USP40: variants seen among roughly 807,000 people sequenced by gnomAD.
The protein encoded by USP40 is ubiquitin carboxyl-terminal hydrolase 40.
USP40 carries 143 observed loss-of-function variants against 166.2 expected under a neutral mutation model. The observed-to-expected ratio is 0.86, with a 90% CI of 0.75 to 0.99. The LOEUF is 0.99. USP40 is among the 50% of genes least tolerant of loss of function. The probability of loss-of-function intolerance (pLI) is 0.00; values close to 1 mark genes in which losing one functional copy is unlikely to be tolerated. For missense variants in USP40, 1,444 were observed against 1,479.7 expected, an observed-to-expected ratio of 0.98 and a Z score of 0.40; for synonymous variants, 498 against 524.0, an observed-to-expected ratio of 0.95 and a Z score of 0.68.
intron 15 of USP40, among the ~76,000 whole-genome samples, chr2:233,524,109 A>G (rs573056937): frequency 6.9e-4 from 105 of 152,218 alleles, no homozygotes; most frequent in African/African-American, 2.5e-3. Flanking sequence ...TTGCCCTCAC[A>G]TAGGCTGAAT....
intron 3 of USP40, chr2:233,560,946 T>A: frequency 2.9e-6 from 2 of 697,140 alleles, no homozygotes; most frequent in Admixed American, 4.7e-5. Context: ...TACATGTTTA[T>A]AAAGCAGTAG....
At chr2:233,565,976 G>A (rs1426701911) in intron 1 of USP40, among the ~76,000 whole-genome samples, 1 of 152,108 alleles carries the variant, frequency 6.6e-6, no homozygotes, top group African/African-American at 2.4e-5. Context: ...CTAATCCACT[G>A]CTGGGACGGC....
At chr2:233,481,409 T>C in intron 30 of USP40, 112 bp from the exon 31 acceptor site, 5 of 910,930 alleles carry the variant, frequency 5.5e-6, no homozygotes, top group Non-Finnish European at 8.3e-6. Context: ...GATTCAAATT[T>C]ACATAAACTA....
At chr2:233,565,066 A>C (rs2072012794) in intron 2 of USP40, among the ~76,000 whole-genome samples, 2 of 152,252 alleles carry the variant, frequency 1.3e-5, no homozygotes, top group South Asian at 4.1e-4. Flanking sequence ...GAAGACTGAT[A>C]CTTATGACAA....
intron 31 of USP40, among the ~76,000 whole-genome samples, chr2:233,478,689 G>A (rs1185615570): frequency 6.6e-6 from 1 of 152,182 alleles, no homozygotes; most frequent in East Asian, 1.9e-4. Context: ...AGTGTGTGAG[G>A]TGGGCATAAG....
chr2:233,562,956 T>C (rs983581247), intron 2 of USP40, among the ~76,000 whole-genome samples, 153 bp from the exon 3 acceptor site: 4 of 152,250 alleles, frequency 2.6e-5, no homozygotes, highest in African/African-American at 9.6e-5. Flanking sequence ...CTTTACTTTC[T>C]TGTAACATTT....
intron 21 of USP40, among the ~76,000 whole-genome samples, chr2:233,504,677 T>G (rs569959925): frequency 6.6e-6 from 1 of 152,114 alleles, no homozygotes; most frequent in Non-Finnish European, 1.5e-5. Flanking sequence ...TAAATATATA[T>G]GCAAACACCA....
intron 17 of USP40, 62 bp from the exon 18 acceptor site, chr2:233,519,733 A>C (rs1559247654): frequency 8.5e-6 from 8 of 940,598 alleles, no homozygotes; most frequent in Non-Finnish European, 1.3e-5. Flanking sequence ...GAAAATGAGG[A>C]TTGTCACTGT....
chr2:233,539,697 TA>T (rs560091138), intron 10 of USP40, among the ~76,000 whole-genome samples: 3 of 147,710 alleles, frequency 2.0e-5, no homozygotes, highest in South Asian at 2.1e-4. Context: ...TTAGAAGGTT[TA>T]AAAAAAAAAC....
rs2065877059 is a variant in USP40, at chr2:233,498,545, T to G, written c.2715+3A>C. 1.9e-6 allele frequency: 3 copies of G among 1,611,740 alleles called. No individual in the cohort carries two copies. The South Asian group carries it at 3.3e-5, about 18-fold the overall frequency. On this transcript the variant is annotated splice_donor_region_variant and intron_variant, in intron 23 of 31. Coordinates refer to ENST00000678225, the MANE Select transcript of USP40 (RefSeq NM_001365479.2). ...AAAGTACAATGTATAGAAATCATCT[T>G]ACTTCTTCACATAAAGGCTCTCCAG...
chr2:233,536,882 T>C (rs1047545738), intron 10 of USP40, among the ~76,000 whole-genome samples: 5 of 151,946 alleles, frequency 3.3e-5, no homozygotes, highest in African/African-American at 7.3e-5. Context: ...TTAGGTTTTT[T>C]TGTTTCCTTT....
Position 233,517,799 on chromosome 2 carries a change from TG to T in USP40, c.2383+1814del, listed in dbSNP as rs1328170206. On this transcript the variant is annotated intron_variant, in intron 18 of 31. Transcript: ENST00000678225. ...AAACTGTGGTGTGTGTGTGTGTGTG[TG>T]TGTGTGTGTGTGTGTGTGTGTGTGT... Among the ~76,000 whole-genome samples the T allele has an allele frequency of 2.6e-5, 4 of 151,438 alleles. No homozygotes were observed. The South Asian group carries it at 6.3e-4, about 24-fold the overall frequency.
At chr2:233,478,337 C>T (rs532147067) in intron 31 of USP40, among the ~76,000 whole-genome samples, 6 of 152,332 alleles carry the variant, frequency 3.9e-5, no homozygotes, top group Non-Finnish European at 8.8e-5. Context: ...GTCCTCAACA[C>T]ACGAGTCTTT....
chr2:233,554,306 GACTTTTTCA>G, intron 6 of USP40, 65 bp downstream of exon 6: 4 of 1,418,814 alleles, frequency 2.8e-6, no homozygotes, highest in Non-Finnish European at 3.7e-6. Context: ...ATATCCTCGA[GACTTTTTCA>G]TACAAGTTGA....
rs752818948 is a variant in USP40, at chr2:233,533,664, A to G, written c.1286T>C (p.Ile429Thr). 3.1e-6 allele frequency: 5 copies of G among 1,613,686 alleles called. No homozygotes were observed. The East Asian group carries it at 1.1e-4, about 36-fold the overall frequency. ...GGATTCTGGAGGAAGCATCTTGAAA[A>G]TTTGCTGGTCATTCCTTTGGAAATC... ...ESDFQRNDQQ[I>T]FKMLPPESPG... is the part of the protein sequence containing the mutation. The change falls in exon 11 of 32, where the codon ATT becomes ACT. Residue 429 changes from isoleucine (I) to threonine (T), a missense_variant. Physicochemically the swap from Ile to Thr is moderately conservative, Grantham distance 89. Transcript: ENST00000678225.
chr2:233,523,848 C>G (rs148415910), intron 15 of USP40, among the ~76,000 whole-genome samples: 1 of 152,112 alleles, frequency 6.6e-6, no homozygotes, highest in Non-Finnish European at 1.5e-5. Context: ...CACTCCCCAA[C>G]TCAGTATAGA....
chr2:233,498,519 G>T (rs534890996), intron 23 of USP40, 29 bp downstream of exon 23: 2 of 1,590,562 alleles, frequency 1.3e-6, no homozygotes, highest in Admixed American at 1.7e-5. Context: ...GTAATCATAC[G>T]AAAGTACAAT....
At chr2:233,551,617 T>C (rs2070572985) in intron 6 of USP40, 98 bp from the exon 7 acceptor site, 1 of 1,170,002 alleles carries the variant, frequency 8.5e-7, no homozygotes. Context: ...TATGACACAG[T>C]TCTAAGAGAA....
chr2:233,524,472 T>A lies in USP40; in HGVS notation c.1881+20A>T, dbSNP rs772968309. 3.1e-6 allele frequency: 5 copies of A among 1,594,650 alleles called. No homozygotes were observed. The highest frequency in any genetic ancestry group is 1.8e-5 in the Admixed American group (1 of 57,130). ...AACATCCAAAATTATCACGAATATT[T>A]CTTCAGTAATTTTTTTTACCTCCAC... is the stretch of plus-strand genomic sequence containing the variant. On this transcript the variant is annotated intron_variant, in intron 15 of 31. Coordinates refer to ENST00000678225, the MANE Select transcript of USP40 (RefSeq NM_001365479.2).
Sources: gnomAD v4.1 joint callset for allele counts (sites outside exome capture counted in the v4.1 genomes callset) on GRCh38, gnomAD v4.1.1 for gene constraint, MANE v1.5 for transcripts, NCBI Gene and HGNC (gene_info 2026-07-23, HGNC 2026-07-21) for gene names.